GLT1D1: variants seen among roughly 807,000 people sequenced by gnomAD.
GLT1D1 encodes glycosyltransferase 1 domain containing 1.
GLT1D1 carries 21 observed loss-of-function variants against 28.7 expected under a neutral mutation model. The observed-to-expected ratio is 0.73, with a 90% CI of 0.52 to 1.05. The LOEUF (loss-of-function observed/expected upper bound fraction) is 1.05. Ranked by LOEUF, GLT1D1 falls within the 50% of genes least tolerant of loss-of-function variation. GLT1D1 has a pLI of 0.00. For synonymous variants in GLT1D1, 147 were observed against 124.8 expected, an observed-to-expected ratio of 1.18 and a Z score of -1.19; for missense variants, 343 against 330.6, an observed-to-expected ratio of 1.04 and a Z score of -0.29.
chr12:128,867,419 G>GAAAAAAAAAAAAAAAAAAGAAAAAAA (rs1318656397), intron 1 of GLT1D1, among the ~76,000 whole-genome samples: 1 of 111,832 alleles, frequency 8.9e-6, no homozygotes, highest in Non-Finnish European at 1.8e-5. Flanking sequence ...AAAAAAAACA[G>GAAAAAAAAAAAAAAAAAAGAAAAAAA]AAAAAAAAAA....
intron 2 of GLT1D1, among the ~76,000 whole-genome samples, chr12:128,882,206 G>A (rs1238478490): frequency 6.6e-6 from 1 of 151,606 alleles, no homozygotes; most frequent in Non-Finnish European, 1.5e-5. Context: ...AGTAGAATAT[G>A]CAAATAATGG....
chr12:128,929,887 A>C (rs1055091356), intron 4 of GLT1D1, among the ~76,000 whole-genome samples: 3 of 152,236 alleles, frequency 2.0e-5, no homozygotes, highest in African/African-American at 7.2e-5. Flanking sequence ...GAGGCACGAG[A>C]ATCACTTGAA....
At chr12:128,910,168 G>A (rs772284574) in intron 4 of GLT1D1, among the ~76,000 whole-genome samples, 2 of 151,516 alleles carry the variant, frequency 1.3e-5, no homozygotes, top group Admixed American at 1.3e-4. Flanking sequence ...TTAGAAAAAT[G>A]ATGCTCAGAG....
rs1196403938 is a variant in GLT1D1 at position 128,983,117 on chromosome 12, C to T, written c.*27C>T. On this transcript the variant is annotated 3_prime_UTR_variant, in exon 8 of 8. Coordinates refer to ENST00000281703, the MANE Select transcript of GLT1D1 (RefSeq NM_144669.3). This position sits in a 1 kb window ranked among gnomAD's most constrained non-coding sequence, Gnocchi z 4.7. ...GGCCCCGCCTCATCAGACACCTGCT[C>T]TCTGACACACAGCTCTGGGTGCACA... 2 of 1,604,262 alleles carry T rather than the reference C, an allele frequency of 1.2e-6. No individual in the cohort carries two copies. The highest frequency in any genetic ancestry group is 1.7e-6 in the Non-Finnish European group (2 of 1,172,892).
intron 2 of GLT1D1, among the ~76,000 whole-genome samples, chr12:128,886,727 G>A (rs950925279): frequency 2.0e-5 from 3 of 151,798 alleles, no homozygotes; most frequent in African/African-American, 2.4e-5. Context: ...ATAGTCTACC[G>A]TAATACCCCT....
chr12:128,879,079 T>G (rs1315959766), intron 2 of GLT1D1, among the ~76,000 whole-genome samples: 1 of 152,226 alleles, frequency 6.6e-6, no homozygotes, highest in African/African-American at 2.4e-5. Context: ...AACTCTTTCA[T>G]GCAGTCACAA....
At chr12:128,919,969 C>T (rs1254339099) in intron 4 of GLT1D1, among the ~76,000 whole-genome samples, 858 of 10,500 alleles carry the variant, frequency 0.082, 37 homozygotes, top group African/African-American at 0.14. Context: ...CTCTCTCTCT[C>T]TCTCTCTCTC....
rs1250476647 is a variant in GLT1D1 at position 128,957,588 on chromosome 12, G to C, written c.584G>C (p.Gly195Ala). ...CCGGTATTGGCCAGGAACATCCCCG[G>C]GAATGCTGCCGTGGTGAAGCATGAA... Residue 195 changes from glycine to alanine, a missense_variant, in exon 7 of 8, where the codon GGG becomes GCG. Coordinates refer to ENST00000281703, the MANE Select transcript of GLT1D1 (RefSeq NM_144669.3). 6.2e-7 allele frequency: 1 copy of C among 1,613,924 alleles called. No individual in the cohort carries two copies. Among genetic ancestry groups the C allele is most frequent in the Admixed American group, 1.7e-5 (1 of 60,012 alleles).
At chr12:128,874,102 C>CTTTGTTTCTTTCTTTCTT (rs1566091147) in intron 1 of GLT1D1, among the ~76,000 whole-genome samples, 1 of 40,144 alleles carries the variant, frequency 2.5e-5, no homozygotes, top group African/African-American at 1.2e-4. Context: ...CTTTCTTTCT[C>CTTTGTTTCTTTCTTTCTT]TCTCTCTCTC....
rs144250792 is a variant in GLT1D1 at position 128,901,500 on chromosome 12, G to T, written c.375+2213G>T. On this transcript the variant is annotated intron_variant, in intron 4 of 7. Transcript: ENST00000281703. ...CGCCCAGGCTGGAGTGCAGTGGCGC[G>T]ATCTCGGCTCACTGCAACCTCTGCC... Among the ~76,000 whole-genome samples, 140 of 149,728 alleles carry T rather than the reference G, an allele frequency of 9.4e-4. 1 individual carries two copies. Among genetic ancestry groups the T allele is most frequent in the African/African-American group, 3.2e-3 (132 of 40,656 alleles).
intron 6 of GLT1D1, among the ~76,000 whole-genome samples, chr12:128,947,872 A>C (rs1359742848): frequency 1.3e-5 from 2 of 152,208 alleles, no homozygotes; most frequent in African/African-American, 4.8e-5. Flanking sequence ...GGAGGGGAAG[A>C]AAGGGCTGGA....
intron 4 of GLT1D1, chr12:128,930,412 G>A (rs1378224277): frequency 1.3e-5 from 2 of 152,122 alleles, no homozygotes; most frequent in Non-Finnish European, 2.9e-5. Context: ...CTTGATACCA[G>A]CTTTCCAATT....
chr12:128,945,410 G>A, intron 5 of GLT1D1, 41 bp downstream of exon 9: 1 of 1,515,560 alleles, frequency 6.6e-7, no homozygotes, highest in Non-Finnish European at 9.2e-7. Flanking sequence ...AGAACGGGAA[G>A]CCTGAGTGGC....
intron 1 of GLT1D1, among the ~76,000 whole-genome samples, chr12:128,855,744 GC>G (rs1294744027): frequency 8.3e-6 from 1 of 119,842 alleles, no homozygotes; most frequent in African/African-American, 3.2e-5. Context: ...GCTGCTGGTT[GC>G]CTTTTTTTTT....
intron 7 of GLT1D1, among the ~76,000 whole-genome samples, chr12:128,971,496 C>G (rs1477315185): frequency 7.6e-6 from 1 of 131,074 alleles, no homozygotes; most frequent in Non-Finnish European, 1.6e-5. Flanking sequence ...CTCTCTACCT[C>G]CCTCCCTCTC....
Position 128,929,574 on chromosome 12 carries a change from A to G in GLT1D1, c.376-15752A>G, listed in dbSNP as rs1197291040. On this transcript the variant is annotated intron_variant, in intron 4 of 7. Transcript: ENST00000281703. Reference sequence around the variant, plus strand: ...TTTTTGTAGTTCCCTAGGGACCCCAAAAAAGCATGACATGGGAGTTACAAG... The same window carrying G: ...TTTTTGTAGTTCCCTAGGGACCCCAGAAAAGCATGACATGGGAGTTACAAG... 3.3e-5 allele frequency among the ~76,000 whole-genome samples: 5 copies of G among 152,170 alleles called. No homozygotes were observed. The East Asian group carries it at 5.8e-4, about 18-fold the overall frequency.
chr12:128,977,949 A>AT (rs1879941683), intron 7 of GLT1D1, among the ~76,000 whole-genome samples: 1 of 150,990 alleles, frequency 6.6e-6, no homozygotes. Flanking sequence ...TGACTAGCTA[A>AT]TTTTTTTGTA....
intron 1 of GLT1D1, among the ~76,000 whole-genome samples, chr12:128,870,862 G>A (rs1333767156): frequency 6.6e-6 from 1 of 152,068 alleles, no homozygotes; most frequent in Non-Finnish European, 1.5e-5. Flanking sequence ...GTGGTGGCAC[G>A]TGCCTGTAAT....
Position 128,963,576 on chromosome 12 carries a change from G to T in GLT1D1, c.639+5933G>T, listed in dbSNP as rs189413244. Among the ~76,000 whole-genome samples the T allele has an allele frequency of 1.9e-3, 287 of 152,318 alleles. 2 individuals carry two copies. The highest frequency in any genetic ancestry group is 6.7e-3 in the African/African-American group (279 of 41,566). On this transcript the variant is annotated intron_variant, in intron 7 of 7. Coordinates refer to ENST00000281703, the MANE Select transcript of GLT1D1 (RefSeq NM_144669.3). The stretch of plus-strand genomic sequence containing the variant: ...CAGGAGAATTGCTTAAACCCGGGGG[G>T]TGGAGGTTGCAGTAAGCTGAGATTA...
Sources: gnomAD v4.1 joint callset for allele counts (sites outside exome capture counted in the v4.1 genomes callset) on GRCh38, gnomAD v4.1.1 for gene constraint, Gnocchi (gnomAD v3.1) non-coding constraint, MANE v1.5 for transcripts, NCBI Gene and HGNC (gene_info 2026-07-23, HGNC 2026-07-21) for gene names.